Variants in NME7 observed in about 807,000 individuals in gnomAD.
NME7 encodes NME/NM23 family member 7.
NME7 carries 41 observed loss-of-function variants against 49.1 expected under a neutral mutation model. The ratio of observed to expected loss-of-function variants is 0.83; its 90% CI spans 0.65 to 1.08. The LOEUF is 1.08. NME7 is among the 50% of genes least tolerant of loss of function. The pLI is 0.00. For synonymous variants in NME7, 139 were observed against 150.6 expected, an observed-to-expected ratio of 0.92 and a Z score of 0.56; for missense variants, 423 against 463.4, an observed-to-expected ratio of 0.91 and a Z score of 0.80.
In NME7 at chr1:169,273,232, C is replaced by T. The variant is rs1649553901; in HGVS notation, c.754+14071G>A. Among the ~76,000 whole-genome samples, 2 of 130,972 alleles carry T rather than the reference C, an allele frequency of 1.5e-5. 1 individual carries two copies. Among genetic ancestry groups the T allele is most frequent in the Non-Finnish European group, 3.6e-5 (2 of 55,882 alleles). 85.9% of individuals were successfully genotyped at this position (130,972 alleles called of 152,430 possible). On this transcript the variant is annotated intron_variant, in intron 7 of 11. Transcript: ENST00000367811. ...CTAGCCTCCCACCCCCTGACAGGCCCCAGTGTGTGATGTTCCCCTCCCTGT... is the reference window on the plus strand; with the variant it reads ...CTAGCCTCCCACCCCCTGACAGGCCTCAGTGTGTGATGTTCCCCTCCCTGT...
At chr1:169,279,681 T>A (rs1202474769) in intron 7 of NME7, among the ~76,000 whole-genome samples, 2 of 152,168 alleles carry the variant, frequency 1.3e-5, no homozygotes, top group African/African-American at 2.4e-5. Context: ...TCGCGCATGA[T>A]GCGCTGCACC....
chr1:169,182,284 G>C (rs1349187626), intron 10 of NME7, among the ~76,000 whole-genome samples: 1 of 152,074 alleles, frequency 6.6e-6, no homozygotes, highest in Non-Finnish European at 1.5e-5. Flanking sequence ...AAAGTGCTGG[G>C]ATTACAGGCA....
At chr1:169,226,290 C>CA (rs1174189755) in intron 10 of NME7, among the ~76,000 whole-genome samples, 1 of 152,140 alleles carries the variant, frequency 6.6e-6, no homozygotes, top group African/African-American at 2.4e-5. Context: ...AGAGCTAGAT[C>CA]ATACATTCTT....
intron 1 of NME7, among the ~76,000 whole-genome samples, chr1:169,351,497 A>G (rs1653171223): frequency 6.6e-6 from 1 of 152,054 alleles, no homozygotes; most frequent in Non-Finnish European, 1.5e-5. Flanking sequence ...CTTCAAATAA[A>G]TAGCCTAATG....
At chr1:169,158,623 T>A (rs766870031) in intron 11 of NME7, among the ~76,000 whole-genome samples, 2 of 152,092 alleles carry the variant, frequency 1.3e-5, no homozygotes, top group Non-Finnish European at 2.9e-5. Flanking sequence ...AAAAACTCTA[T>A]AGGTGATTTT....
chr1:169,232,562 G>A (rs910884327), intron 9 of NME7, among the ~76,000 whole-genome samples: 3 of 151,694 alleles, frequency 2.0e-5, no homozygotes, highest in Admixed American at 6.6e-5. Flanking sequence ...GTGTTGGGGG[G>A]GGGGCAGGGG....
chr1:169,184,613 C>T (rs1660018434), intron 10 of NME7, among the ~76,000 whole-genome samples: 1 of 152,074 alleles, frequency 6.6e-6, no homozygotes, highest in Non-Finnish European at 1.5e-5. Context: ...TTGGTCATTA[C>T]CTAATTTGTT....
intron 10 of NME7, among the ~76,000 whole-genome samples, chr1:169,194,359 C>T (rs951025028): frequency 6.6e-6 from 1 of 152,110 alleles, no homozygotes; most frequent in Non-Finnish European, 1.5e-5. Flanking sequence ...GCCCAACACA[C>T]CAAACCAAAA....
chr1:169,326,499 G>A (rs1652062109), intron 1 of NME7, among the ~76,000 whole-genome samples: 1 of 152,112 alleles, frequency 6.6e-6, no homozygotes, highest in African/African-American at 2.4e-5. Context: ...AAGTCAAGCA[G>A]ACAAGTGACT....
At chr1:169,212,203 A>G (rs935685244) in intron 10 of NME7, among the ~76,000 whole-genome samples, 1 of 152,122 alleles carries the variant, frequency 6.6e-6, no homozygotes, top group Non-Finnish European at 1.5e-5. Context: ...TTAAATGAAA[A>G]TATTTATTTT....
chr1:169,352,086 CCT>C (rs907429998), intron 1 of NME7, among the ~76,000 whole-genome samples: 1 of 151,616 alleles, frequency 6.6e-6, no homozygotes, highest in Non-Finnish European at 1.5e-5. Context: ...TCAGTATTAC[CCT>C]GATACCAAAA....
chr1:169,365,435 A>G lies in NME7; in HGVS notation c.3+2273T>C, dbSNP rs147582620. Among the ~76,000 whole-genome samples the G allele has an allele frequency of 7.7e-4, 118 of 152,384 alleles. 1 individual carries two copies. Among genetic ancestry groups the G allele is most frequent in the African/African-American group, 2.7e-3 (112 of 41,602 alleles). ...GGAGAATAAATAAGTTTGGCAAGCA[A>G]CAAGAGGGTGCAAGTATTCTGTGTA... On this transcript the variant is annotated intron_variant, in intron 1 of 11. Coordinates refer to ENST00000367811, the MANE Select transcript of NME7 (RefSeq NM_013330.5).
chr1:169,289,072 C>T (rs1241262171), intron 6 of NME7, among the ~76,000 whole-genome samples: 2 of 152,136 alleles, frequency 1.3e-5, no homozygotes, highest in Non-Finnish European at 2.9e-5. Flanking sequence ...AATCCACAAC[C>T]AATTAGGTTT....
intron 11 of NME7, among the ~76,000 whole-genome samples, chr1:169,162,087 A>G (rs142476700): frequency 1.1e-3 from 168 of 152,246 alleles, no homozygotes; most frequent in African/African-American, 3.8e-3. Flanking sequence ...CTACATCTCT[A>G]TGATTTCATC....
At chr1:169,209,038 G>C (rs1462737659) in intron 10 of NME7, among the ~76,000 whole-genome samples, 1 of 151,996 alleles carries the variant, frequency 6.6e-6, no homozygotes, top group Non-Finnish European at 1.5e-5. Flanking sequence ...GCTGGTTATA[G>C]TAGGGTGAAA....
At chr1:169,324,025 T>C (rs957837355) in intron 2 of NME7, among the ~76,000 whole-genome samples, 8 of 151,862 alleles carry the variant, frequency 5.3e-5, no homozygotes, top group African/African-American at 1.5e-4. Context: ...GGCTAATTTT[T>C]TGTATCTTTA....
At chr1:169,289,416 C>G (rs1313639914) in intron 6 of NME7, among the ~76,000 whole-genome samples, 1 of 152,056 alleles carries the variant, frequency 6.6e-6, no homozygotes, top group African/African-American at 2.4e-5. Context: ...TCTGCATGTG[C>G]TAAACAAAAT....
intron 1 of NME7, among the ~76,000 whole-genome samples, chr1:169,325,357 G>A (rs1652022648): frequency 6.6e-6 from 1 of 152,102 alleles, no homozygotes; most frequent in Non-Finnish European, 1.5e-5. Context: ...GGAAGCAAGT[G>A]CTCAGCACAA....
intron 3 of NME7, among the ~76,000 whole-genome samples, chr1:169,322,878 A>G (rs1286920210): frequency 2.0e-5 from 3 of 152,180 alleles, no homozygotes; most frequent in African/African-American, 7.2e-5. Context: ...GGTGCTTGCA[A>G]TGTGGATGGA....
Sources: allele counts gnomAD v4.1 joint callset (sites outside exome capture counted in the v4.1 genomes callset), GRCh38; gene constraint gnomAD v4.1.1; transcripts MANE v1.5; gene names NCBI Gene and HGNC (gene_info 2026-07-23, HGNC 2026-07-21).